TSPAN4: variants seen among roughly 807,000 people sequenced by gnomAD.
TSPAN4 encodes the protein tetraspanin-4.
TSPAN4 carries 38 observed loss-of-function variants against 31.5 expected under a neutral mutation model. The observed-to-expected ratio is 1.21, with a 90% confidence interval of 0.93 to 1.58. The LOEUF (loss-of-function observed/expected upper bound fraction) is 1.58, where lower values mean the gene tolerates loss of function less well. Among genes scored for constraint, TSPAN4 ranks in the 40% most tolerant of loss-of-function variants. The pLI is 0.00. For synonymous variants in TSPAN4, 186 were observed against 144.6 expected (o/e 1.29, Z -2.06); for missense variants, 330 against 317.3 (o/e 1.04, Z -0.30).
chr11:857,405 T>TTTG (rs1848116767), intron 3 of TSPAN4: 1 of 138,884 alleles, frequency 7.2e-6, no homozygotes, highest in Non-Finnish European at 1.6e-5. Context: ...TTTGGGTTTT[T>TTTG]TTTTTTTTTT....
In TSPAN4 at chr11:865,980, G is replaced by C; in HGVS notation, c.627G>C (p.Gly209=). Residue 209 remains glycine, a synonymous_variant, in exon 8 of 9, where the codon GGG becomes GGC. Transcript: ENST00000397397. ...QENLLAVGIF[G]LCTALVQILG... ...ACCTGCTGGCTGTGGGCATCTTTGGGCTGTGCACGGCGCTGGTGCAGGTAT... is the reference window on the plus strand; with the variant it reads ...ACCTGCTGGCTGTGGGCATCTTTGGCCTGTGCACGGCGCTGGTGCAGGTAT... The C allele has an allele frequency of 1.1e-5, 17 of 1,612,288 alleles. No individual in the cohort carries two copies. The highest frequency in any genetic ancestry group is 1.4e-5 in the Non-Finnish European group (17 of 1,179,994).
intron 2 of TSPAN4, among the ~76,000 whole-genome samples, chr11:849,646 G>A (rs1184846299): frequency 6.6e-6 from 1 of 151,940 alleles, no homozygotes; most frequent in Non-Finnish European, 1.5e-5. Context: ...GGGCTGGGGC[G>A]CCGGCGCGGG....
chr11:846,688 C>T (rs1055565194), intron 1 of TSPAN4, among the ~76,000 whole-genome samples: 1 of 152,118 alleles, frequency 6.6e-6, no homozygotes, highest in African/African-American at 2.4e-5. Context: ...ATAGGGAGGG[C>T]GTGAGGCCCC....
At chr11:862,800 G>A in intron 4 of TSPAN4, 59 bp downstream of exon 4, 1 of 1,485,368 alleles carries the variant, frequency 6.7e-7, no homozygotes, top group Non-Finnish European at 9.0e-7. Flanking sequence ...GGGCTCCGGT[G>A]GCCCCCAGGC....
intron 3 of TSPAN4, among the ~76,000 whole-genome samples, chr11:852,160 C>T (rs924469895): frequency 7.2e-5 from 11 of 152,176 alleles, no homozygotes; most frequent in East Asian, 1.9e-4. Context: ...TAGAGTCTTG[C>T]TCTGTCGCCT....
intron 1 of TSPAN4, chr11:843,264 G>A: frequency 6.6e-6 from 1 of 152,320 alleles, no homozygotes; most frequent in Non-Finnish European, 1.5e-5. Flanking sequence ...TACAGCCCCC[G>A]CCGGCAGCTC....
At position 862,863 on chromosome 11, in the gene TSPAN4, C is replaced by T. The variant is rs1027277357; in HGVS notation, c.255+122C>T. ...GTGGGCACCACCTCTGGGGCCGGAC[C>T]TCCAGGCTGGCAGTGTGGCCCGGGG... On this transcript the variant is annotated intron_variant, in intron 4 of 8. Coordinates refer to ENST00000397397, the MANE Select transcript of TSPAN4 (RefSeq NM_003271.5). 1.7e-5 allele frequency: 19 copies of T among 1,111,674 alleles called. No individual in the cohort carries two copies. In the African/African-American group the frequency reaches 2.2e-4, roughly 13 times the overall value. 68.9% of individuals were successfully genotyped at this position (1,111,674 alleles called of 1,614,324 possible).
At chr11:858,994 T>G (rs1360514498) in intron 3 of TSPAN4, among the ~76,000 whole-genome samples, 4 of 43,128 alleles carry the variant, frequency 9.3e-5, no homozygotes, top group Non-Finnish European at 8.7e-5. Flanking sequence ...CACGCACCCC[T>G]GGGTCACACG....
At chr11:852,516 G>T (rs770986206) in intron 3 of TSPAN4, among the ~76,000 whole-genome samples, 18 of 152,214 alleles carry the variant, frequency 1.2e-4, no homozygotes, top group Admixed American at 3.9e-4. Flanking sequence ...CTGGTGCCCA[G>T]TGGGGGTCTA....
In TSPAN4 at chr11:851,901, C is replaced by T. The variant is rs912654838; in HGVS notation, c.63+1534C>T. ...TGTCCTCCGTGGCCTGGACACCTGC[C>T]TTCAGGGAGAAAGAAGAGGGTCCTT... On this transcript the variant is annotated intron_variant, in intron 3 of 8. Coordinates refer to ENST00000397397, the MANE Select transcript of TSPAN4 (RefSeq NM_003271.5). 9.2e-5 allele frequency among the ~76,000 whole-genome samples: 14 copies of T among 152,216 alleles called. No homozygotes were observed. The South Asian group carries it at 2.7e-3, about 29-fold the overall frequency.
chr11:854,879 C>T (rs1847961186), intron 3 of TSPAN4, among the ~76,000 whole-genome samples: 1 of 152,226 alleles, frequency 6.6e-6, no homozygotes, highest in South Asian at 2.1e-4. Flanking sequence ...CTTCAGCTCC[C>T]AGGCCTCTCT....
In TSPAN4 at chr11:862,660, C is replaced by G; in HGVS notation, c.174C>G (p.Ile58Met). 3.1e-6 allele frequency: 5 copies of G among 1,613,374 alleles called. No homozygotes were observed. The highest frequency in any genetic ancestry group is 3.4e-6 in the Non-Finnish European group (4 of 1,179,894). The change falls in exon 4 of 9, where the codon ATC becomes ATG. Residue 58 changes from isoleucine (I) to methionine (M), a missense_variant. Ile to Met is a conservative substitution (Grantham distance 10). Transcript: ENST00000397397. ...CCCTGTCGGCTGCCAACTTGCTCAT[C>G]ATCACCGGCGCCTTTGTCATGGCCA... ...FPSLSAANLL[I>M]ITGAFVMAIG...
At chr11:862,406 TG>T in intron 3 of TSPAN4, 143 bp from the exon 4 acceptor site, 1 of 711,088 alleles carries the variant, frequency 1.4e-6, no homozygotes, top group Admixed American at 3.1e-5. Context: ...CGGGCTGCCG[TG>T]GGATCTAGCA....
In TSPAN4 at chr11:865,738, G is replaced by A. The variant is rs1398912974; in HGVS notation, c.477G>A (p.Val159=). 2.5e-6 allele frequency: 4 copies of A among 1,613,424 alleles called. No individual in the cohort carries two copies. The highest frequency in any genetic ancestry group is 3.4e-6 in the Non-Finnish European group (4 of 1,179,954). The part of the protein sequence containing the change: ...GVSNYTDWFE[V]YNATRVPDSC... ...CCAACTACACTGACTGGTTCGAGGT[G>A]TACAACGCCACGCGGGTACCTGACT... The change falls in exon 7 of 9, where the codon GTG becomes GTA. Residue 159 remains valine (V), a synonymous_variant. Coordinates refer to ENST00000397397, the MANE Select transcript of TSPAN4 (RefSeq NM_003271.5).
At chr11:852,824 C>T (rs1847829686) in intron 3 of TSPAN4, among the ~76,000 whole-genome samples, 1 of 152,150 alleles carries the variant, frequency 6.6e-6, no homozygotes, top group Admixed American at 6.5e-5. Flanking sequence ...TTCTCAGGGG[C>T]GAAGTTCAGG....
At chr11:844,578 C>G (rs1382870734) in intron 1 of TSPAN4, 2 of 152,130 alleles carry the variant, frequency 1.3e-5, no homozygotes, top group African/African-American at 4.8e-5. Context: ...CTGGGCCTGG[C>G]CCTCCTCAGG....
chr11:862,805 C>T (rs1848536333), intron 4 of TSPAN4, 64 bp downstream of exon 4: 1 of 1,480,242 alleles, frequency 6.8e-7, no homozygotes, highest in Non-Finnish European at 9.0e-7. Flanking sequence ...CCGGTGGCCC[C>T]CAGGCCTTGG....
In TSPAN4 at chr11:864,625, C is replaced by T. The variant is rs530839348; in HGVS notation, c.330+114C>T. On this transcript the variant is annotated intron_variant, in intron 5 of 8. Coordinates refer to ENST00000397397, the MANE Select transcript of TSPAN4 (RefSeq NM_003271.5). ...GTGGCCCTGCATGTGCCCTCACGGG[C>T]AGCCAGGACAGCGGGTGTGGATTTA... 5.9e-4 allele frequency: 805 copies of T among 1,363,196 alleles called. 2 individuals carry two copies. Among genetic ancestry groups the T allele is most frequent in the African/African-American group, 5.7e-3 (403 of 70,102 alleles). The allele number at this position is 1,363,196 out of a possible 1,614,324, so 84.4% of individuals were successfully genotyped here. A position where few individuals can be genotyped will look rare whatever the true frequency, so the allele number is the denominator to read the frequency against.
rs1419171896 is a variant in TSPAN4 at position 865,727 on chromosome 11, T to A, written c.466T>A (p.Trp156Arg). 6.2e-7 allele frequency: 1 copy of A among 1,613,436 alleles called. No individual in the cohort carries two copies. The highest frequency in any genetic ancestry group is 1.1e-5 in the South Asian group (1 of 91,074). The change falls in exon 7 of 9, where the codon TGG becomes AGG. Residue 156 changes from tryptophan (W) to arginine (R), a missense_variant. By Grantham distance (101) the Trp-to-Arg change is moderately radical. Transcript: ENST00000397397. ...CTGTGGCGTCTCCAACTACACTGAC[T>A]GGTTCGAGGTGTACAACGCCACGCG... is the stretch of plus-strand genomic sequence containing the variant. ...RCCGVSNYTD[W>R]FEVYNATRVP...
Sources: allele counts gnomAD v4.1 joint callset (sites outside exome capture counted in the v4.1 genomes callset), GRCh38; gene constraint gnomAD v4.1.1; transcripts MANE v1.5; gene names NCBI Gene and HGNC (gene_info 2026-07-23, HGNC 2026-07-21).